The following PRKAR1B variants were observed in gnomAD, a reference collection of about 807,000 sequenced individuals.
PRKAR1B encodes cAMP-dependent protein kinase type I-beta regulatory subunit.
Under a neutral mutation model 46.5 loss-of-function variants are expected in PRKAR1B, and 22 were observed. The observed-to-expected ratio is 0.47, with a 90% CI of 0.34 to 0.68. PRKAR1B has a LOEUF of 0.68. Ranked by LOEUF, PRKAR1B falls within the 30% of genes least tolerant of loss-of-function variation. The pLI is 0.01. For synonymous variants in PRKAR1B, 259 were observed against 217.7 expected, an observed-to-expected ratio of 1.19 and a Z score of -1.67; for missense variants, 445 against 535.6, an observed-to-expected ratio of 0.83 and a Z score of 1.67.
chr7:562,287 C>A (rs1050502214), intron 9 of PRKAR1B, among the ~76,000 whole-genome samples: 7 of 142,092 alleles, frequency 4.9e-5, no homozygotes, highest in Non-Finnish European at 1.1e-4. Flanking sequence ...CAGCCCCAGG[C>A]ACCTCTCAGG....
At chr7:587,050 A>AT (rs1337863384) in intron 7 of PRKAR1B, among the ~76,000 whole-genome samples, 2 of 151,766 alleles carry the variant, frequency 1.3e-5, no homozygotes, top group Admixed American at 6.6e-5. Context: ...TGCCCAGCTA[A>AT]TGTTTTTTGT....
rs1303561892 is a variant in PRKAR1B at position 644,269 on chromosome 7, C to T, written c.440+32960G>A. On this transcript the variant is annotated intron_variant, in intron 4 of 10. Transcript: ENST00000537384. The surrounding 1 kb of genome is among the most constrained non-coding windows in gnomAD (Gnocchi z 4.9). The stretch of plus-strand genomic sequence containing the variant: ...CTGTTCAAGGCATCGTTGAAATGTC[C>T]GTGATGCTCTTAAAATCCTGCTGGA... Among the ~76,000 whole-genome samples the T allele has an allele frequency of 6.6e-6, 1 of 152,152 alleles. No individual in the cohort carries two copies. Among genetic ancestry groups the T allele is most frequent in the African/African-American group, 2.4e-5 (1 of 41,430 alleles).
chr7:580,242 AAAAAG>A (rs1179343665), intron 8 of PRKAR1B, among the ~76,000 whole-genome samples: 12 of 151,374 alleles, frequency 7.9e-5, no homozygotes, highest in Admixed American at 4.0e-4. Flanking sequence ...AAAAAAAAAA[AAAAAG>A]AAAAAAGAAA....
chr7:597,731 G>GGGCCTGCGATGGCCGGGGCACAGCCT, intron 6 of PRKAR1B, among the ~76,000 whole-genome samples: 1 of 152,372 alleles, frequency 6.6e-6, no homozygotes, highest in South Asian at 2.1e-4. Flanking sequence ...GCCGGGGGAA[G>GGGCCTGCGATGGCCGGGGCACAGCCT]GGCCTGCGAT....
chr7:722,328 C>G (rs1781103656), intron 1 of PRKAR1B, among the ~76,000 whole-genome samples: 1 of 151,830 alleles, frequency 6.6e-6, no homozygotes, highest in African/African-American at 2.4e-5. Context: ...TTTCAAACTC[C>G]TGACCTCAGG....
intron 4 of PRKAR1B, among the ~76,000 whole-genome samples, chr7:652,762 A>G (rs1436065420): frequency 6.6e-6 from 1 of 152,244 alleles, no homozygotes; most frequent in African/African-American, 2.4e-5. Context: ...AACCCATTCA[A>G]TAAGGATTTC....
At chr7:720,512 T>C (rs1428698922) in intron 1 of PRKAR1B, among the ~76,000 whole-genome samples, 2 of 152,260 alleles carry the variant, frequency 1.3e-5, no homozygotes, top group East Asian at 3.8e-4. Flanking sequence ...TGTTGGTTGA[T>C]GGTGTTGCTC....
intron 9 of PRKAR1B, among the ~76,000 whole-genome samples, chr7:562,188 T>A (rs1323012377): frequency 6.6e-6 from 1 of 151,980 alleles, no homozygotes; most frequent in Non-Finnish European, 1.5e-5. Flanking sequence ...TCTCTGCAGG[T>A]TCCGGGGAAC....
At chr7:655,680 C>A (rs1455165916) in intron 4 of PRKAR1B, among the ~76,000 whole-genome samples, 1 of 152,162 alleles carries the variant, frequency 6.6e-6, no homozygotes, top group Non-Finnish European at 1.5e-5. Context: ...ATCTGCAGCC[C>A]CTCGGGCAGG....
chr7:680,658 C>G lies in PRKAR1B; in HGVS notation c.246G>C (p.Val82=), dbSNP rs761841270. 1 of 1,613,506 alleles carries G rather than the reference C, an allele frequency of 6.2e-7. No homozygotes were observed. The highest frequency in any genetic ancestry group is 1.7e-5 in the Admixed American group (1 of 59,866). ...CCACAGGGTTCGGGGGGGTGGGCGA[C>G]ACCTCCTCATCATGGGAGTCCGACT... The part of the protein sequence containing the change: ...NSQSDSHDEE[V]SPTPPNPVVK... Residue 82 remains valine, a synonymous_variant, in exon 3 of 11, where the codon GTG becomes GTC. Transcript: ENST00000537384.
At chr7:724,962 C>T (rs1243895095) in intron 1 of PRKAR1B, among the ~76,000 whole-genome samples, 3 of 152,238 alleles carry the variant, frequency 2.0e-5, no homozygotes, top group Admixed American at 6.5e-5. Context: ...CGCCTGTAAT[C>T]CCAGCACTCT....
chr7:679,595 G>C (rs951834841), intron 3 of PRKAR1B, among the ~76,000 whole-genome samples: 6 of 152,226 alleles, frequency 3.9e-5, no homozygotes, highest in African/African-American at 9.6e-5. Flanking sequence ...TTAGGGAATA[G>C]AGTCTCAGTT....
At chr7:672,227 T>A (rs1786295772) in intron 4 of PRKAR1B, among the ~76,000 whole-genome samples, 13 of 152,112 alleles carry the variant, frequency 8.5e-5, no homozygotes, top group Admixed American at 8.5e-4. Context: ...CTCGGCTCAT[T>A]GCAATCTCCG....
At chr7:648,135 G>C (rs969012053) in intron 4 of PRKAR1B, among the ~76,000 whole-genome samples, 2 of 151,150 alleles carry the variant, frequency 1.3e-5, no homozygotes, top group South Asian at 2.1e-4. Context: ...CACATATCGA[G>C]ACTCTACCTC....
rs1051101163 is a variant in PRKAR1B, at chr7:714,867, C to T, written c.-22-3340G>A. 2.6e-5 allele frequency among the ~76,000 whole-genome samples: 4 copies of T among 152,186 alleles called. No individual in the cohort carries two copies. Among genetic ancestry groups the T allele is most frequent in the African/African-American group, 9.7e-5 (4 of 41,440 alleles). On this transcript the variant is annotated intron_variant, in intron 1 of 10. Coordinates refer to ENST00000537384, the MANE Select transcript of PRKAR1B (RefSeq NM_001164760.2). The surrounding 1 kb of genome is among the most constrained non-coding windows in gnomAD (Gnocchi z 4.3). Reference sequence around the variant, plus strand: ...ACCAAACCTGAGGCCCTTCCCGTATCTGGACTTCCCAATTATGTTCATCAA... The same window carrying T: ...ACCAAACCTGAGGCCCTTCCCGTATTTGGACTTCCCAATTATGTTCATCAA...
intron 9 of PRKAR1B, among the ~76,000 whole-genome samples, chr7:556,665 G>A (rs1021615726): frequency 1.3e-5 from 2 of 152,204 alleles, no homozygotes; most frequent in Admixed American, 6.5e-5. Context: ...GACAGGAGGG[G>A]CCGAGGCCAG....
chr7:611,231 G>A (rs369914331), intron 4 of PRKAR1B, among the ~76,000 whole-genome samples: 1 of 152,220 alleles, frequency 6.6e-6, no homozygotes, highest in Admixed American at 6.5e-5. Context: ...GCCCTCCTCC[G>A]AGCAGAGCAT....
intron 2 of PRKAR1B, among the ~76,000 whole-genome samples, chr7:686,006 A>C (rs1779075798): frequency 6.6e-6 from 1 of 152,206 alleles, no homozygotes; most frequent in Non-Finnish European, 1.5e-5. Flanking sequence ...TTTGCCTTTT[A>C]AAATGGAGAA....
chr7:618,981 A>C (rs1187827117), intron 4 of PRKAR1B, among the ~76,000 whole-genome samples: 1 of 152,174 alleles, frequency 6.6e-6, no homozygotes, highest in Non-Finnish European at 1.5e-5. Context: ...ACAACCAAGT[A>C]ATGAAATACT....
Sources: allele counts gnomAD v4.1 joint callset (sites outside exome capture counted in the v4.1 genomes callset), GRCh38; gene constraint gnomAD v4.1.1; non-coding constraint Gnocchi (gnomAD v3.1); transcripts MANE v1.5; gene names NCBI Gene and HGNC (gene_info 2026-07-23, HGNC 2026-07-21).